Variants in DAP observed in about 807,000 individuals in gnomAD.
DAP encodes the protein death-associated protein 1.
A neutral mutation model predicts 13.8 loss-of-function variants in DAP; 8 were observed. That is an observed-to-expected ratio of 0.58 (90% CI 0.34 to 1.05). The LOEUF is 1.05. Among genes scored for constraint, DAP ranks in the 50% least tolerant of loss-of-function variants. DAP has a pLI of 0.03. For synonymous variants in DAP, 47 were observed against 47.5 expected, an observed-to-expected ratio of 0.99 and a Z score of 0.04; for missense variants, 106 against 133.2, an observed-to-expected ratio of 0.80 and a Z score of 1.01.
intron 2 of DAP, among the ~76,000 whole-genome samples, chr5:10,705,358 T>C (rs536170221): frequency 6.6e-6 from 1 of 152,362 alleles, no homozygotes; most frequent in East Asian, 1.9e-4. Flanking sequence ...GGGGTCACAG[T>C]GATCTAGTGG....
At chr5:10,749,954 C>T (rs1006765173) in intron 1 of DAP, among the ~76,000 whole-genome samples, 2 of 152,054 alleles carry the variant, frequency 1.3e-5, no homozygotes, top group African/African-American at 4.8e-5. Context: ...TCAAAGATTC[C>T]CTGCTTCATC....
intron 2 of DAP, among the ~76,000 whole-genome samples, chr5:10,739,815 ACACACG>A (rs1407858208): frequency 4.0e-5 from 6 of 151,798 alleles, no homozygotes; most frequent in African/African-American, 1.4e-4. Context: ...ACACACACAC[ACACACG>A]AATGGGTTTG....
At position 10,750,416 on chromosome 5, in the gene DAP, G is replaced by C. The variant is rs78897345; in HGVS notation, c.56-2145C>G. On this transcript the variant is annotated intron_variant, in intron 1 of 3. Coordinates refer to ENST00000230895, the MANE Select transcript of DAP (RefSeq NM_004394.3). ...GGCTGTTAGAAAAGGGCAAAAGAGA[G>C]CAAGGAAAATGACGACTATTTCCTC... 3.8e-3 allele frequency among the ~76,000 whole-genome samples: 574 copies of C among 152,268 alleles called. 6 individuals are homozygous for C. The highest frequency in any genetic ancestry group is 0.013 in the African/African-American group (552 of 41,544).
intron 1 of DAP, among the ~76,000 whole-genome samples, chr5:10,754,330 G>C (rs755419): frequency 0.16 from 24,682 of 152,164 alleles, 2,207 homozygotes; most frequent in East Asian, 0.31. Context: ...GGTGTGCATA[G>C]ATAAGGTAGA....
At chr5:10,705,231 C>A (rs1028137258) in intron 2 of DAP, among the ~76,000 whole-genome samples, 2 of 152,326 alleles carry the variant, frequency 1.3e-5, no homozygotes, top group East Asian at 1.9e-4. Context: ...GCGGCCCACA[C>A]TACACACGGT....
chr5:10,704,283 T>C (rs887794414), intron 2 of DAP, among the ~76,000 whole-genome samples: 1 of 152,202 alleles, frequency 6.6e-6, no homozygotes, highest in Non-Finnish European at 1.5e-5. Context: ...TGTATGGATA[T>C]TACACTAAGT....
At chr5:10,750,191 C>A (rs958819369) in intron 1 of DAP, among the ~76,000 whole-genome samples, 5 of 152,162 alleles carry the variant, frequency 3.3e-5, no homozygotes, top group African/African-American at 1.2e-4. Context: ...GCATTTTAAA[C>A]TGAGTGGACC....
intron 2 of DAP, among the ~76,000 whole-genome samples, chr5:10,689,484 A>G (rs1041519483): frequency 6.6e-6 from 1 of 152,192 alleles, no homozygotes; most frequent in African/African-American, 2.4e-5. Flanking sequence ...GTGAAACCCC[A>G]AATTCACGGA....
intron 2 of DAP, among the ~76,000 whole-genome samples, chr5:10,711,641 TC>T (rs1279294742): frequency 2.0e-5 from 3 of 152,160 alleles, no homozygotes; most frequent in African/African-American, 7.2e-5. Flanking sequence ...CACCCTGCCC[TC>T]CAACTGTCTA....
At chr5:10,755,601 C>T (rs542804748) in intron 1 of DAP, among the ~76,000 whole-genome samples, 1 of 152,278 alleles carries the variant, frequency 6.6e-6, no homozygotes, top group Admixed American at 6.5e-5. Flanking sequence ...GTTAAGAAGA[C>T]CCCACCCAGG....
intron 1 of DAP, among the ~76,000 whole-genome samples, chr5:10,749,899 C>T (rs551497719): frequency 6.6e-6 from 1 of 152,272 alleles, no homozygotes; most frequent in South Asian, 2.1e-4. Flanking sequence ...CGGCACGTTC[C>T]TCCACGCCCT....
intron 1 of DAP, among the ~76,000 whole-genome samples, chr5:10,758,387 AGGG>A (rs1740248311): frequency 6.7e-6 from 1 of 150,250 alleles, no homozygotes; most frequent in African/African-American, 2.5e-5. Flanking sequence ...TTGGCATTTG[AGGG>A]GTGCTGTTGG....
intron 2 of DAP, among the ~76,000 whole-genome samples, chr5:10,747,687 G>A (rs1200400458): frequency 6.6e-6 from 1 of 152,206 alleles, no homozygotes; most frequent in Non-Finnish European, 1.5e-5. Flanking sequence ...GAAACCTGGA[G>A]TACAAAAGAC....
At chr5:10,694,246 T>C (rs1229243800) in intron 2 of DAP, among the ~76,000 whole-genome samples, 2 of 152,120 alleles carry the variant, frequency 1.3e-5, no homozygotes, top group African/African-American at 4.8e-5. Context: ...GCTAGAGTGT[T>C]GGATGATCCG....
Position 10,707,794 on chromosome 5 carries a change from G to A in DAP, c.153-24223C>T, listed in dbSNP as rs1227226796. Among the ~76,000 whole-genome samples, 1 of 152,222 alleles carries A rather than the reference G, an allele frequency of 6.6e-6. No individual in the cohort carries two copies. Among genetic ancestry groups the A allele is most frequent in the Admixed American group, 6.5e-5 (1 of 15,282 alleles). ...TGATGCACAGGTGCTATGGTGCAAA[G>A]ATGGTGTGATGGATGGGTGGCACTG... On this transcript the variant is annotated intron_variant, in intron 2 of 3. Coordinates refer to ENST00000230895, the MANE Select transcript of DAP (RefSeq NM_004394.3). This position sits in a 1 kb window ranked among gnomAD's most constrained non-coding sequence, Gnocchi z 4.0.
At chr5:10,709,749 G>A (rs572510967) in intron 2 of DAP, among the ~76,000 whole-genome samples, 33 of 152,258 alleles carry the variant, frequency 2.2e-4, no homozygotes, top group Admixed American at 2.1e-3. Context: ...CCTCCACAAG[G>A]GCATTGAAAA....
chr5:10,697,119 C>T (rs1738454841), intron 2 of DAP, among the ~76,000 whole-genome samples: 1 of 152,176 alleles, frequency 6.6e-6, no homozygotes, highest in East Asian at 1.9e-4. Flanking sequence ...CTAGGCTTAG[C>T]TCTAAAGCTA....
At chr5:10,748,390 C>T (rs1739965879) in intron 1 of DAP, 119 bp from the exon 2 acceptor site, 2 of 755,640 alleles carry the variant, frequency 2.6e-6, no homozygotes, top group East Asian at 2.6e-5. Context: ...GAGAATCTGG[C>T]AATGAAAATG....
intron 2 of DAP, among the ~76,000 whole-genome samples, chr5:10,705,744 T>C (rs1457375270): frequency 1.3e-5 from 2 of 152,242 alleles, no homozygotes; most frequent in Non-Finnish European, 2.9e-5. Context: ...AAATGTAAGG[T>C]GCAGTCATAC....
Sources: gnomAD v4.1 joint callset for allele counts (sites outside exome capture counted in the v4.1 genomes callset) on GRCh38, gnomAD v4.1.1 for gene constraint, Gnocchi (gnomAD v3.1) non-coding constraint, MANE v1.5 for transcripts, NCBI Gene and HGNC (gene_info 2026-07-23, HGNC 2026-07-21) for gene names.